Variants in TIAM2 observed in about 807,000 individuals in gnomAD.
TIAM2 encodes rho guanine nucleotide exchange factor TIAM2.
Under a neutral mutation model 152.9 loss-of-function variants are expected in TIAM2, and 80 were observed. The ratio of observed to expected loss-of-function variants is 0.52; its 90% CI spans 0.44 to 0.63. TIAM2 has a LOEUF of 0.63. Among genes scored for constraint, TIAM2 ranks in the 30% least tolerant of loss-of-function variants. The pLI, the probability that TIAM2 is intolerant of heterozygous loss-of-function variation, is 0.00. For missense variants in TIAM2, 1,965 were observed against 2,120.1 expected, an observed-to-expected ratio of 0.93 and a Z score of 1.44; for synonymous variants, 804 against 838.0, an observed-to-expected ratio of 0.96 and a Z score of 0.70.
chr6:155,109,015 A>G (rs371467119), intron 2 of TIAM2, among the ~76,000 whole-genome samples: 25 of 151,768 alleles, frequency 1.6e-4, no homozygotes, highest in African/African-American at 4.8e-4. Context: ...ACAGAGTCTC[A>G]CTCTGTCGCC....
chr6:155,245,689 T>G lies in TIAM2; in HGVS notation c.3610T>G (p.Phe1204Val), dbSNP rs763550447. ...YADHFKLYSG[F>V]CANHIKVQKV... is the part of the protein sequence containing the mutation. ...GGACCACTTTAAACTGTACAGTGGA[T>G]TCTGTGCTAACCATATCAAAGTACA... The change falls in exon 19 of 27, where the codon TTC becomes GTC. Residue 1204 changes from phenylalanine (F) to valine (V), a missense_variant. Around this residue, in one of 3 missense-constraint regions of TIAM2, gnomAD observed 935 missense variants for 980.0 expected, o/e 0.95. Transcript: ENST00000682666. 4 of 1,613,990 alleles carry G rather than the reference T, an allele frequency of 2.5e-6. No homozygotes were observed. The highest frequency in any genetic ancestry group is 3.4e-6 in the Non-Finnish European group (4 of 1,179,992).
chr6:155,238,597 A>G (rs1273898124), intron 15 of TIAM2, among the ~76,000 whole-genome samples: 9 of 152,142 alleles, frequency 5.9e-5, no homozygotes, highest in Non-Finnish European at 1.2e-4. Context: ...TTCCCACTGC[A>G]CCTTTGGCAC....
intron 15 of TIAM2, among the ~76,000 whole-genome samples, chr6:155,219,256 G>A (rs1234492094): frequency 6.6e-6 from 1 of 152,194 alleles, no homozygotes; most frequent in Non-Finnish European, 1.5e-5. Flanking sequence ...GTTGTAAATG[G>A]ATGAGCTTTT....
chr6:155,078,213 T>G (rs1228219669), intron 1 of TIAM2, among the ~76,000 whole-genome samples: 3 of 152,106 alleles, frequency 2.0e-5, no homozygotes, highest in Non-Finnish European at 4.4e-5. Flanking sequence ...TTTGGCTAAT[T>G]TTTTTTATTT....
At chr6:155,089,119 A>G (rs746066967) in intron 1 of TIAM2, among the ~76,000 whole-genome samples, 1 of 151,892 alleles carries the variant, frequency 6.6e-6, no homozygotes, top group Non-Finnish European at 1.5e-5. Flanking sequence ...CTAATGGACC[A>G]TGAGTTTTAA....
At chr6:155,084,032 C>T (rs1380732775) in intron 1 of TIAM2, among the ~76,000 whole-genome samples, 1 of 152,188 alleles carries the variant, frequency 6.6e-6, no homozygotes, top group Non-Finnish European at 1.5e-5. Flanking sequence ...CCCACCTCCC[C>T]TTCCTAAGAG....
intron 15 of TIAM2, among the ~76,000 whole-genome samples, chr6:155,229,041 C>T (rs1306147781): frequency 1.3e-5 from 2 of 152,250 alleles, no homozygotes; most frequent in South Asian, 2.1e-4. Context: ...CTCCAGACAG[C>T]GGGTGGCCAC....
At chr6:155,056,164 C>G (rs78266956) in intron 1 of TIAM2, among the ~76,000 whole-genome samples, 2 of 121,684 alleles carry the variant, frequency 1.6e-5, no homozygotes, top group East Asian at 2.2e-4. Context: ...CCTTATTGTT[C>G]TTCTTTTTTT....
chr6:155,112,746 CTCCCATGGCTTTAATGGAACAGTGTG>C (rs1778885158), intron 2 of TIAM2, among the ~76,000 whole-genome samples: 1 of 152,192 alleles, frequency 6.6e-6, no homozygotes, highest in African/African-American at 2.4e-5. Flanking sequence ...CGTCTGCATT[CTCCCATGGCTTTAATGGAACAGTGTG>C]GAATCATCCT....
At chr6:155,131,615 C>T (rs368941615) in intron 4 of TIAM2, among the ~76,000 whole-genome samples, 10 of 150,694 alleles carry the variant, frequency 6.6e-5, no homozygotes, top group African/African-American at 1.7e-4. Context: ...AGTATCGCTC[C>T]GTTGTACAGG....
At chr6:155,064,868 C>A (rs180788244) in intron 1 of TIAM2, among the ~76,000 whole-genome samples, 1 of 124,156 alleles carries the variant, frequency 8.1e-6, no homozygotes, top group Admixed American at 7.8e-5. Context: ...TTTTGTCCAC[C>A]CTTTTCCCTT....
intron 1 of TIAM2, among the ~76,000 whole-genome samples, chr6:155,050,748 C>T (rs1275334539): frequency 6.6e-6 from 1 of 152,300 alleles, no homozygotes; most frequent in South Asian, 2.1e-4. Context: ...CGTGGGTAAG[C>T]CTTTCTGCTT....
chr6:155,139,584 G>C (rs576416913), intron 5 of TIAM2, among the ~76,000 whole-genome samples: 1 of 152,308 alleles, frequency 6.6e-6, no homozygotes, highest in Admixed American at 6.5e-5. Context: ...AGAAAGTTCT[G>C]CTTTAAGGTT....
intron 5 of TIAM2, among the ~76,000 whole-genome samples, chr6:155,140,331 T>C (rs757962839): frequency 6.6e-6 from 1 of 152,162 alleles, no homozygotes; most frequent in Non-Finnish European, 1.5e-5. Context: ...GGACTGTTTG[T>C]GAATCATAGT....
At chr6:155,229,287 C>A (rs1369945633) in intron 15 of TIAM2, among the ~76,000 whole-genome samples, 1 of 152,228 alleles carries the variant, frequency 6.6e-6, no homozygotes, top group East Asian at 1.9e-4. Context: ...TTTGACTGTT[C>A]TTGCCCTTCC....
At chr6:155,108,219 T>A (rs540233878) in intron 2 of TIAM2, among the ~76,000 whole-genome samples, 2 of 152,246 alleles carry the variant, frequency 1.3e-5, no homozygotes, top group Non-Finnish European at 2.9e-5. Flanking sequence ...GGCTGTCATC[T>A]CCATCGGTGT....
intron 2 of TIAM2, among the ~76,000 whole-genome samples, chr6:155,103,581 G>A (rs1019891438): frequency 3.3e-5 from 5 of 151,696 alleles, no homozygotes; most frequent in African/African-American, 9.7e-5. Flanking sequence ...AAAATTAGCC[G>A]GGTGTGGTGG....
chr6:155,180,397 T>C (rs996213708), intron 12 of TIAM2, among the ~76,000 whole-genome samples: 15 of 152,226 alleles, frequency 9.9e-5, no homozygotes, highest in African/African-American at 2.7e-4. Flanking sequence ...AATACTTCCA[T>C]AGAAACACTG....
intron 1 of TIAM2, among the ~76,000 whole-genome samples, chr6:155,042,875 G>T (rs1002091397): frequency 1.3e-5 from 2 of 151,980 alleles, no homozygotes; most frequent in African/African-American, 4.8e-5. Context: ...TACTCCTCCC[G>T]TCTAATTGGA....
Sources: allele counts gnomAD v4.1 joint callset (sites outside exome capture counted in the v4.1 genomes callset), GRCh38; gene constraint gnomAD v4.1.1; regional missense constraint gnomAD v4.1.1; transcripts MANE v1.5; gene names NCBI Gene and HGNC (gene_info 2026-07-23, HGNC 2026-07-21).